Variants in WDR25 observed in about 807,000 individuals in gnomAD.
WDR25 encodes WD repeat domain 25.
Under a neutral mutation model 47.7 loss-of-function variants are expected in WDR25, and 35 were observed. The observed-to-expected ratio is 0.73, with a 90% CI of 0.56 to 0.97. The LOEUF (loss-of-function observed/expected upper bound fraction) is 0.97, where lower values mean the gene tolerates loss of function less well. WDR25 is among the 50% of genes least tolerant of loss of function. The pLI is 0.00. For missense variants in WDR25, 634 were observed against 704.7 expected, an observed-to-expected ratio of 0.90 and a Z score of 1.14; for synonymous variants, 248 against 278.9, an observed-to-expected ratio of 0.89 and a Z score of 1.10.
At chr14:100,509,478 T>A (rs1446258985) in intron 4 of WDR25, among the ~76,000 whole-genome samples, 1 of 152,214 alleles carries the variant, frequency 6.6e-6, no homozygotes, top group Non-Finnish European at 1.5e-5. Context: ...GCATTTCTTA[T>A]AATACAGGTT....
rs796521036 is a variant in WDR25, at chr14:100,519,703, GTATATATAGTGTATATATAC to G, written c.1102-6147_1102-6128del. Among the ~76,000 whole-genome samples, 10 of 139,698 alleles carry G rather than the reference GTATATATAGTGTATATATAC, an allele frequency of 7.2e-5. No individual in the cohort carries two copies. In the South Asian group the frequency reaches 1.5e-3, roughly 21 times the overall value. The allele number at this position is 139,698 out of a possible 152,430, so 91.6% of individuals were successfully genotyped here. On this transcript the variant is annotated intron_variant, in intron 4 of 6. Coordinates refer to ENST00000402312, the MANE Select transcript of WDR25 (RefSeq NM_001161476.3). ...TATAACATATAATCATCTATATATA[GTATATATAGTGTATATATAC>G]TATATATAGTGTATATATAGTATAT...
At chr14:100,476,532 A>G (rs1900023383) in intron 3 of WDR25, 1 of 152,224 alleles carries the variant, frequency 6.6e-6, no homozygotes, top group Non-Finnish European at 1.5e-5. Context: ...GTGGATGTGA[A>G]CAAAGCACTA....
intron 2 of WDR25, among the ~76,000 whole-genome samples, chr14:100,463,232 A>G (rs962925445): frequency 4.7e-5 from 7 of 149,414 alleles, no homozygotes; most frequent in African/African-American, 7.4e-5. Flanking sequence ...TTAACTTTTT[A>G]TTTTAAATAT....
chr14:100,454,168 A>G (rs1595104495), intron 2 of WDR25, among the ~76,000 whole-genome samples: 1 of 152,282 alleles, frequency 6.6e-6, no homozygotes, highest in East Asian at 1.9e-4. Flanking sequence ...AAACTCCCAT[A>G]CCATGTATCC....
intron 2 of WDR25, among the ~76,000 whole-genome samples, chr14:100,439,290 A>G (rs1403949237): frequency 6.6e-6 from 1 of 152,206 alleles, no homozygotes; most frequent in Non-Finnish European, 1.5e-5. Flanking sequence ...TGCGTGGTGG[A>G]TGGCTCTGGC....
intron 2 of WDR25, among the ~76,000 whole-genome samples, chr14:100,391,927 A>G (rs1440660218): frequency 6.6e-6 from 1 of 152,226 alleles, no homozygotes; most frequent in Non-Finnish European, 1.5e-5. Flanking sequence ...GTGCTTTTGC[A>G]GTGGATTAAA....
chr14:100,458,654 A>G (rs1044461284), intron 2 of WDR25, among the ~76,000 whole-genome samples: 4 of 152,166 alleles, frequency 2.6e-5, no homozygotes, highest in African/African-American at 9.6e-5. Flanking sequence ...GAGACCATAT[A>G]AAACAAGTCT....
At chr14:100,382,681 C>T (rs563630743) in intron 2 of WDR25, among the ~76,000 whole-genome samples, 19 of 152,218 alleles carry the variant, frequency 1.2e-4, no homozygotes, top group Middle Eastern at 3.2e-3. Flanking sequence ...TCTCTCCTCG[C>T]AGCTAGCAAA....
rs1022342303 is a variant in WDR25, at chr14:100,506,587, A to G, written c.1102-19283A>G. Among the ~76,000 whole-genome samples, 1 of 151,808 alleles carries G rather than the reference A, an allele frequency of 6.6e-6. No individual in the cohort carries two copies. The highest frequency in any genetic ancestry group is 2.1e-4 in the South Asian group (1 of 4,822). ...CTTGCTAGCACCTGTTATTTTTTTG[A>G]CTTTTTAGTAATAGCCATGCTGTCT... On this transcript the variant is annotated intron_variant, in intron 4 of 6. Transcript: ENST00000402312. This position sits in a 1 kb window ranked among gnomAD's most constrained non-coding sequence, Gnocchi z 4.8.
intron 4 of WDR25, among the ~76,000 whole-genome samples, chr14:100,517,436 G>A (rs1034198174): frequency 7.2e-5 from 11 of 151,766 alleles, no homozygotes; most frequent in Admixed American, 5.2e-4. Flanking sequence ...TAGCTTTTTG[G>A]TTATGTCTCT....
chr14:100,528,236 T>C (rs1044571793), intron 5 of WDR25, among the ~76,000 whole-genome samples: 3 of 152,124 alleles, frequency 2.0e-5, no homozygotes, highest in African/African-American at 4.8e-5. Flanking sequence ...TTAAGTATGA[T>C]TGGGCTGAAA....
chr14:100,530,151 C>T lies in WDR25; in HGVS notation c.*110C>T. ...GAGGTTGGCTGTGGGTCCTGGGTAC[C>T]ACCTTCTGAGCCTCAGTTTCCTCAT... On this transcript the variant is annotated 3_prime_UTR_variant, in exon 7 of 7. Coordinates refer to ENST00000402312, the MANE Select transcript of WDR25 (RefSeq NM_001161476.3). The T allele has an allele frequency of 1.8e-6, 2 of 1,104,708 alleles. No homozygotes were observed. The highest frequency in any genetic ancestry group is 2.5e-5 in the East Asian group (1 of 40,248). The allele number at this position is 1,104,708 out of a possible 1,614,324, so 68.4% of individuals were successfully genotyped here. A position where few individuals can be genotyped will look rare whatever the true frequency, so the allele number is the denominator to read the frequency against.
In WDR25 at chr14:100,430,172, G is replaced by A. The variant is rs909694258; in HGVS notation, c.823-37849G>A. On this transcript the variant is annotated intron_variant, in intron 2 of 6. Coordinates refer to ENST00000402312, the MANE Select transcript of WDR25 (RefSeq NM_001161476.3). This position sits in a 1 kb window ranked among gnomAD's most constrained non-coding sequence, Gnocchi z 4.7. ...GCCTGGTGTGTGTGTGTGTGTGTGTGTGTGTGTGTGTGTTCCCGGGAAGGC... is the reference window on the plus strand; with the variant it reads ...GCCTGGTGTGTGTGTGTGTGTGTGTATGTGTGTGTGTGTTCCCGGGAAGGC... Among the ~76,000 whole-genome samples, 27 of 151,930 alleles carry A rather than the reference G, an allele frequency of 1.8e-4. No individual in the cohort carries two copies. The highest frequency in any genetic ancestry group is 1.3e-3 in the Admixed American group (20 of 15,240).
chr14:100,385,002 A>T (rs780613211), intron 2 of WDR25, among the ~76,000 whole-genome samples: 1 of 152,210 alleles, frequency 6.6e-6, no homozygotes, highest in African/African-American at 2.4e-5. Flanking sequence ...AAACGATATT[A>T]GTTGTGAATC....
At chr14:100,501,915 G>T (rs998934714) in intron 4 of WDR25, among the ~76,000 whole-genome samples, 5 of 152,176 alleles carry the variant, frequency 3.3e-5, no homozygotes, top group African/African-American at 1.2e-4. Context: ...GAGGAGGATG[G>T]TGCAGTCTGC....
intron 2 of WDR25, among the ~76,000 whole-genome samples, chr14:100,461,550 G>A (rs1487874630): frequency 6.6e-6 from 1 of 152,182 alleles, no homozygotes; most frequent in East Asian, 1.9e-4. Flanking sequence ...TTATTAAGGT[G>A]TTTCCCCAGA....
At chr14:100,490,150 G>T (rs1406004791) in intron 4 of WDR25, among the ~76,000 whole-genome samples, 1 of 152,176 alleles carries the variant, frequency 6.6e-6, no homozygotes, top group Non-Finnish European at 1.5e-5. Context: ...TGGGCCCTCA[G>T]CTCAGCTTCC....
intron 4 of WDR25, among the ~76,000 whole-genome samples, chr14:100,516,723 T>TA (rs1361153120): frequency 6.6e-6 from 1 of 152,164 alleles, no homozygotes; most frequent in Non-Finnish European, 1.5e-5. Context: ...TATATTTTTT[T>TA]ATCCTTTTAC....
chr14:100,524,734 G>A (rs759261034), intron 4 of WDR25, among the ~76,000 whole-genome samples: 6 of 152,114 alleles, frequency 3.9e-5, no homozygotes, highest in Non-Finnish European at 8.8e-5. Flanking sequence ...CGTGGAGGTC[G>A]GAAGAGGCTC....
Sources: gnomAD v4.1 joint callset for allele counts (sites outside exome capture counted in the v4.1 genomes callset) on GRCh38, gnomAD v4.1.1 for gene constraint, Gnocchi (gnomAD v3.1) non-coding constraint, MANE v1.5 for transcripts, NCBI Gene and HGNC (gene_info 2026-07-23, HGNC 2026-07-21) for gene names.